USH2A: variants seen among roughly 807,000 people sequenced by gnomAD.
USH2A encodes the protein Usher syndrome 2A (autosomal recessive, mild).
Under a neutral mutation model 538.9 loss-of-function variants are expected in USH2A, and 443 were observed. That is an observed-to-expected ratio of 0.82 (90% CI 0.76 to 0.89). The LOEUF (loss-of-function observed/expected upper bound fraction) is 0.89, where lower values mean the gene tolerates loss of function less well. Ranked by LOEUF, USH2A falls within the 40% of genes least tolerant of loss-of-function variation. The pLI, the probability that USH2A is intolerant of heterozygous loss-of-function variation, is 0.00. For missense variants in USH2A, 6,633 were observed against 6,324.8 expected (o/e 1.05, Z -1.65); for synonymous variants, 2,413 against 2,273.5 (o/e 1.06, Z -1.75).
chr1:216,223,759 T>C (rs187386512), intron 14 of USH2A, among the ~76,000 whole-genome samples: 636 of 152,272 alleles, frequency 4.2e-3, no homozygotes, highest in Non-Finnish European at 4.8e-3. Flanking sequence ...AATTTTTCCA[T>C]TATCACACCA....
Position 215,838,031 on chromosome 1 carries a change from T to C in USH2A, c.9331A>G (p.Ser3111Gly). The change falls in exon 47 of 72, where the codon AGT becomes GGT. Residue 3111 changes from serine (S) to glycine (G), a missense_variant. Ser to Gly is a moderately conservative substitution (Grantham distance 56). Transcript: ENST00000307340. The stretch of plus-strand genomic sequence containing the variant: ...CGAATTGTGGGTGTTGGTATATCAC[T>C]TGGAGTGTCTTCCACAGTGGTAATT... ...TQITTVEDTP[S>G]DIPTPTIRGI... 2 of 1,614,082 alleles carry C rather than the reference T, an allele frequency of 1.2e-6. No homozygotes were observed. Among genetic ancestry groups the C allele is most frequent in the Non-Finnish European group, 1.7e-6 (2 of 1,179,942 alleles).
chr1:215,637,137 A>C (rs559562883), intron 69 of USH2A, among the ~76,000 whole-genome samples: 1 of 152,266 alleles, frequency 6.6e-6, no homozygotes, highest in African/African-American at 2.4e-5. Flanking sequence ...AGCCAGTGTC[A>C]GAGTAAATCC....
Position 216,225,834 on chromosome 1 carries a change from A to G in USH2A, c.2993+6119T>C, listed in dbSNP as rs1050844398. On this transcript the variant is annotated intron_variant, in intron 14 of 71. Coordinates refer to ENST00000307340, the MANE Select transcript of USH2A (RefSeq NM_206933.4). ...TAATGGTTAGTTCTGTGCTGACTATATTAAAAATGAAATGCACGAGGGACT... is the reference window on the plus strand; with the variant it reads ...TAATGGTTAGTTCTGTGCTGACTATGTTAAAAATGAAATGCACGAGGGACT... Among the ~76,000 whole-genome samples, 10 of 152,296 alleles carry G rather than the reference A, an allele frequency of 6.6e-5. 1 individual carries two copies. The highest frequency in any genetic ancestry group is 6.5e-4 in the Admixed American group (10 of 15,288).
intron 64 of USH2A, among the ~76,000 whole-genome samples, chr1:215,664,659 C>T (rs1657548356): frequency 6.6e-6 from 1 of 152,176 alleles, no homozygotes; most frequent in Admixed American, 6.5e-5. Context: ...TGTTTTTGTC[C>T]CCTTCAAATA....
chr1:215,757,190 G>A (rs539053669), intron 58 of USH2A, among the ~76,000 whole-genome samples: 1 of 152,168 alleles, frequency 6.6e-6, no homozygotes, highest in South Asian at 2.1e-4. Flanking sequence ...AACAAAAGTG[G>A]GTGAAATCAT....
At chr1:216,019,734 C>T (rs1373517998) in intron 32 of USH2A, among the ~76,000 whole-genome samples, 1 of 152,070 alleles carries the variant, frequency 6.6e-6, no homozygotes, top group East Asian at 1.9e-4. Context: ...CATAAAATGT[C>T]TTGCAGTTTA....
chr1:216,251,071 G>T lies in USH2A; in HGVS notation c.1999C>A (p.His667Asn), dbSNP rs2102552040. 2 of 1,614,000 alleles carry T rather than the reference G, an allele frequency of 1.2e-6. No individual in the cohort carries two copies. The highest frequency in any genetic ancestry group is 1.1e-5 in the South Asian group (1 of 91,084). Residue 667 changes from histidine (H) to asparagine (N), a missense_variant, in exon 12 of 72, where the codon CAC becomes AAC. His to Asn is a moderately conservative substitution (Grantham distance 68). Coordinates refer to ENST00000307340, the MANE Select transcript of USH2A (RefSeq NM_206933.4). The stretch of plus-strand genomic sequence containing the variant: ...TGATTGCACTGCCTGCCAGACACGT[G>T]TCTCTTACAATTACACTGTCCTCCA... ...QIGGQCNCKR[H>N]VSGRQCNQCQ...
chr1:215,668,058 T>A (rs549782114), intron 64 of USH2A, among the ~76,000 whole-genome samples: 10 of 152,300 alleles, frequency 6.6e-5, no homozygotes, highest in Non-Finnish European at 1.2e-4. Context: ...CAGGTCTTTG[T>A]TTTTATTCCC....
chr1:215,806,562 A>G (rs1421539707), intron 49 of USH2A, among the ~76,000 whole-genome samples: 2 of 152,230 alleles, frequency 1.3e-5, no homozygotes, highest in East Asian at 3.9e-4. Context: ...ATTTCTTGAA[A>G]CTGTCCCAAA....
rs541678215 is a variant in USH2A at position 216,363,326 on chromosome 1, C to T, written c.784+1627G>A. Among the ~76,000 whole-genome samples, 142 of 152,238 alleles carry T rather than the reference C, an allele frequency of 9.3e-4. 1 individual carries two copies. Among genetic ancestry groups the T allele is most frequent in the African/African-American group, 3.2e-3 (135 of 41,542 alleles). ...ATGACATTGCTTCATTTGATCCTTA[C>T]ATTGGCCCTATGGGAAATCAATATT... On this transcript the variant is annotated intron_variant, in intron 4 of 71. Transcript: ENST00000307340.
At chr1:215,828,177 GTGTGGGTCACATC>G (rs1192506941) in intron 47 of USH2A, among the ~76,000 whole-genome samples, 1 of 152,114 alleles carries the variant, frequency 6.6e-6, no homozygotes, top group African/African-American at 2.4e-5. Context: ...GCCGGGTGCT[GTGTGGGTCACATC>G]TGTAATACCA....
intron 35 of USH2A, among the ~76,000 whole-genome samples, chr1:215,981,921 GA>G (rs924835427): frequency 1.3e-5 from 2 of 152,104 alleles, no homozygotes; most frequent in Admixed American, 6.6e-5. Context: ...GTGAATTAGA[GA>G]AAAAAAGCAA....
At chr1:216,353,675 A>G (rs899903700) in intron 4 of USH2A, among the ~76,000 whole-genome samples, 1 of 152,260 alleles carries the variant, frequency 6.6e-6, no homozygotes, top group South Asian at 2.1e-4. Context: ...AGTTAAGTAT[A>G]GACAGAGTTG....
intron 55 of USH2A, among the ~76,000 whole-genome samples, chr1:215,778,447 G>A (rs1661526687): frequency 2.0e-5 from 3 of 152,120 alleles, no homozygotes; most frequent in Admixed American, 1.3e-4. Flanking sequence ...GCAGGTTTAC[G>A]GCCCTTTTGG....
At chr1:216,247,410 T>C (rs964537087) in intron 12 of USH2A, among the ~76,000 whole-genome samples, 184 bp from the exon 13 acceptor site, 23 of 152,188 alleles carry the variant, frequency 1.5e-4, no homozygotes, top group African/African-American at 5.3e-4. Flanking sequence ...TTAGCTTTAA[T>C]ATACAACTGT....
Position 216,422,410 on chromosome 1 carries a change from A to G in USH2A, c.-74T>C. On this transcript the variant is annotated 5_prime_UTR_variant, in exon 2 of 72. Transcript: ENST00000307340. ...ATCAGGCCCACGCCACTTGCCAGCA[A>G]TACTTTGAAGCAGGGTACTTTAAGT... 6.2e-7 allele frequency: 1 copy of G among 1,602,150 alleles called. No homozygotes were observed. Among genetic ancestry groups the G allele is most frequent in the African/African-American group, 1.3e-5 (1 of 74,652 alleles).
At chr1:215,996,560 G>GTTTTTTTTTTTTTTTTTTTTTTTTT (rs753233925) in intron 34 of USH2A, among the ~76,000 whole-genome samples, 1 of 51,718 alleles carries the variant, frequency 1.9e-5, no homozygotes, top group African/African-American at 9.3e-5. Context: ...AACATATTAT[G>GTTTTTTTTTTTTTTTTTTTTTTTTT]TTTTTTTTTT....
At chr1:215,963,747 CCT>C (rs754767510) in intron 37 of USH2A, among the ~76,000 whole-genome samples, 1 of 152,062 alleles carries the variant, frequency 6.6e-6, no homozygotes, top group Non-Finnish European at 1.5e-5. Flanking sequence ...CTTGATCACC[CCT>C]GTCATGTGTA....
chr1:215,722,103 T>G (rs1659681859), intron 61 of USH2A, among the ~76,000 whole-genome samples: 1 of 151,718 alleles, frequency 6.6e-6, no homozygotes, highest in South Asian at 2.1e-4. Flanking sequence ...CCGACAAATA[T>G]TCATTGTTTT....
Sources: gnomAD v4.1 joint callset for allele counts (sites outside exome capture counted in the v4.1 genomes callset) on GRCh38, gnomAD v4.1.1 for gene constraint, MANE v1.5 for transcripts, NCBI Gene and HGNC (gene_info 2026-07-23, HGNC 2026-07-21) for gene names.